The following MICU3 variants were observed in gnomAD, a reference collection of about 807,000 sequenced individuals.
The protein encoded by MICU3 is mitochondrial calcium uptake 3, also known as calcium uptake protein 3, mitochondrial.
A neutral mutation model predicts 66.5 loss-of-function variants in MICU3; 62 were observed. The observed-to-expected ratio is 0.93, with a 90% CI of 0.76 to 1.15. MICU3 has a LOEUF of 1.15. Ranked by LOEUF, MICU3 falls within the 50% of genes most tolerant of loss-of-function variation. MICU3 has a pLI of 0.00. For synonymous variants in MICU3, 308 were observed against 240.7 expected (o/e 1.28, Z -2.59); for missense variants, 779 against 664.4 (o/e 1.17, Z -1.90).
chr8:17,134,476 ACT>A, the MICU3 span, among the ~76,000 whole-genome samples: 1 of 151,004 alleles, frequency 6.6e-6, no homozygotes, highest in African/African-American at 2.5e-5. Flanking sequence ...ACAGAGCCTC[ACT>A]CTGTCACTCA....
intron 12 of MICU3, among the ~76,000 whole-genome samples, chr8:17,114,890 C>T (rs182078756): frequency 1.9e-3 from 292 of 152,062 alleles, no homozygotes; most frequent in African/African-American, 6.8e-3. Flanking sequence ...GAGGCTGAGG[C>T]GGGCGGATCA....
intron 7 of MICU3, among the ~76,000 whole-genome samples, chr8:17,087,985 GC>G (rs1414185104): frequency 6.6e-6 from 1 of 151,940 alleles, no homozygotes; most frequent in Non-Finnish European, 1.5e-5. Context: ...ACTTCAGAGA[GC>G]TAAAACTTTA....
At chr8:17,126,501 A>G (rs916213995), downstream of MICU3, among the ~76,000 whole-genome samples, 3 of 152,204 alleles carry the variant, frequency 2.0e-5, no homozygotes, top group Non-Finnish European at 4.4e-5. Flanking sequence ...CATAGTTCTA[A>G]TATATCTGGA....
At chr8:17,070,934 G>T (rs1030689016) in intron 3 of MICU3, among the ~76,000 whole-genome samples, 5 of 152,156 alleles carry the variant, frequency 3.3e-5, no homozygotes, top group African/African-American at 1.2e-4. Context: ...ATACAGCGTG[G>T]ATATACTGGG....
intron 5 of MICU3, among the ~76,000 whole-genome samples, chr8:17,084,141 A>G (rs945860843): frequency 6.6e-6 from 1 of 152,116 alleles, no homozygotes; most frequent in African/African-American, 2.4e-5. Context: ...AGTGGGCTAC[A>G]TAATCTTGGT....
At chr8:17,027,810 C>A (rs943221211) in intron 1 of MICU3, 150 bp downstream of exon 1, 1 of 1,045,304 alleles carries the variant, frequency 9.6e-7, no homozygotes, top group Non-Finnish European at 1.2e-6. Context: ...GGCCGGACAG[C>A]CTAGGATCCG....
downstream of MICU3, among the ~76,000 whole-genome samples, chr8:17,125,800 A>T (rs1803390633): frequency 6.6e-6 from 1 of 151,990 alleles, no homozygotes; most frequent in African/African-American, 2.4e-5. Flanking sequence ...TGGGATGCTG[A>T]GGCGGGTGGA....
intron 1 of MICU3, among the ~76,000 whole-genome samples, chr8:17,047,713 C>T (rs1440981811): frequency 1.3e-5 from 2 of 152,070 alleles, no homozygotes; most frequent in African/African-American, 2.4e-5. Flanking sequence ...GATTTCTATA[C>T]CTCGGTAAGT....
In MICU3 at chr8:17,048,326, C is replaced by T. The variant is rs117995322; in HGVS notation, c.382-15758C>T. Among the ~76,000 whole-genome samples, 537 of 140,074 alleles carry T rather than the reference C, an allele frequency of 3.8e-3. 4 individuals are homozygous for T. In the East Asian group the frequency reaches 0.043, roughly 11 times the overall value. 91.9% of individuals were successfully genotyped at this position (140,074 alleles called of 152,430 possible). ...ACAAATTAATAAGAAAAAGAAAACA[C>T]GATAGAAAAATGAAATAGAAATTCA... On this transcript the variant is annotated intron_variant, in intron 1 of 14. Transcript: ENST00000318063.
At position 17,077,810 on chromosome 8, in the gene MICU3, C is replaced by T; in HGVS notation, c.595C>T (p.Pro199Ser). ...QELNQMLAET[P>S]PVWKGSSKLF... ...ATTAAATCAAATGCTCGCAGAAACA[C>T]CACCAGTTTGGAAAGGCTCATCGAA... The change falls in exon 4 of 15, where the codon CCA becomes TCA. Residue 199 changes from proline to serine, a missense_variant. Coordinates refer to ENST00000318063, the MANE Select transcript of MICU3 (RefSeq NM_181723.3). 2 of 1,611,514 alleles carry T rather than the reference C, an allele frequency of 1.2e-6. No homozygotes were observed. The highest frequency in any genetic ancestry group is 8.5e-7 in the Non-Finnish European group (1 of 1,178,438).
At chr8:17,088,550 G>C (rs972796226) in intron 7 of MICU3, among the ~76,000 whole-genome samples, 1 of 151,796 alleles carries the variant, frequency 6.6e-6, no homozygotes, top group Non-Finnish European at 1.5e-5. Context: ...ATTTAAGGAG[G>C]CTGAATAATG....
intron 8 of MICU3, among the ~76,000 whole-genome samples, chr8:17,095,309 A>C (rs571693962): frequency 6.6e-6 from 1 of 152,058 alleles, no homozygotes; most frequent in Non-Finnish European, 1.5e-5. Context: ...GGACTAGATT[A>C]AGGATATATT....
At chr8:17,029,724 A>G (rs1811694879) in intron 1 of MICU3, among the ~76,000 whole-genome samples, 1 of 152,006 alleles carries the variant, frequency 6.6e-6, no homozygotes, top group African/African-American at 2.4e-5. Flanking sequence ...GAGCTTCGGG[A>G]TGTGTATTTT....
At chr8:17,052,122 G>C (rs1372944364) in intron 1 of MICU3, among the ~76,000 whole-genome samples, 7 of 152,102 alleles carry the variant, frequency 4.6e-5, no homozygotes, top group Non-Finnish European at 2.9e-5. Context: ...CAAATAATGA[G>C]ATGATGTATG....
chr8:17,077,905 G>A, intron 4 of MICU3, 44 bp downstream of exon 4: 1 of 1,223,992 alleles, frequency 8.2e-7, no homozygotes, highest in Non-Finnish European at 1.2e-6. Flanking sequence ...ACTATATTAT[G>A]TATACTATTT....
chr8:17,057,551 G>A (rs1473282114), intron 1 of MICU3, among the ~76,000 whole-genome samples: 3 of 151,962 alleles, frequency 2.0e-5, no homozygotes, highest in Admixed American at 6.6e-5. Flanking sequence ...TATAATTATT[G>A]TTACAATTAA....
At chr8:17,101,147 A>G (rs1415817765) in intron 9 of MICU3, among the ~76,000 whole-genome samples, 2 of 151,826 alleles carry the variant, frequency 1.3e-5, no homozygotes, top group Non-Finnish European at 2.9e-5. Context: ...TTTTTGATGA[A>G]ATCATTTTAA....
intron 5 of MICU3, among the ~76,000 whole-genome samples, chr8:17,082,790 C>T (rs527334160): frequency 6.6e-6 from 1 of 152,168 alleles, no homozygotes; most frequent in Admixed American, 6.6e-5. Flanking sequence ...AAATTCACAC[C>T]ACTGTGTTAT....
At chr8:17,043,257 C>G (rs948773080) in intron 1 of MICU3, among the ~76,000 whole-genome samples, 2 of 152,064 alleles carry the variant, frequency 1.3e-5, no homozygotes, top group African/African-American at 4.8e-5. Flanking sequence ...ATTTTTTTAA[C>G]TGGTTTCACA....
Sources: gnomAD v4.1 joint callset for allele counts (sites outside exome capture counted in the v4.1 genomes callset) on GRCh38, gnomAD v4.1.1 for gene constraint, MANE v1.5 for transcripts, NCBI Gene and HGNC (gene_info 2026-07-23, HGNC 2026-07-21) for gene names.